The following NEK10 variants were observed in gnomAD, a reference collection of about 807,000 sequenced individuals.
NEK10 encodes NIMA related kinase 10.
Under a neutral mutation model 159.8 loss-of-function variants are expected in NEK10, and 122 were observed. The observed-to-expected ratio is 0.76, with a 90% CI of 0.66 to 0.89. The LOEUF is 0.89. NEK10 is among the 40% of genes least tolerant of loss of function. NEK10 has a pLI of 0.00. For missense variants in NEK10, 1,342 were observed against 1,323.1 expected, an observed-to-expected ratio of 1.01 and a Z score of -0.22; for synonymous variants, 466 against 457.1, an observed-to-expected ratio of 1.02 and a Z score of -0.25.
At chr3:27,185,456 T>C (rs568214577) in intron 26 of NEK10, among the ~76,000 whole-genome samples, 1 of 152,268 alleles carries the variant, frequency 6.6e-6, no homozygotes, top group African/African-American at 2.4e-5. Flanking sequence ...ACTGATTTAA[T>C]CAGGTGGCAG....
At chr3:27,295,432 C>T (rs963621399) in intron 15 of NEK10, among the ~76,000 whole-genome samples, 181 bp downstream of exon 15, 1 of 152,200 alleles carries the variant, frequency 6.6e-6, no homozygotes, top group Non-Finnish European at 1.5e-5. Flanking sequence ...ACTGTTAAGC[C>T]TTCTGTATTG....
At chr3:27,312,317 C>G (rs2044762195) in intron 7 of NEK10, 140 bp from the exon 8 acceptor site, 1 of 507,818 alleles carries the variant, frequency 2.0e-6, no homozygotes, top group African/African-American at 2.0e-5. Context: ...GCTCCTGGAA[C>G]AGTTATCGCT....
chr3:27,199,413 T>C (rs1232836934), intron 25 of NEK10, among the ~76,000 whole-genome samples: 2 of 152,174 alleles, frequency 1.3e-5, no homozygotes, highest in African/African-American at 4.8e-5. Context: ...TGAGATACCA[T>C]CTTATACCAG....
At chr3:27,164,273 G>A (rs1946281613) in intron 29 of NEK10, among the ~76,000 whole-genome samples, 1 of 152,202 alleles carries the variant, frequency 6.6e-6, no homozygotes, top group African/African-American at 2.4e-5. Flanking sequence ...GACAGCCCCA[G>A]GGCTGAGCTG....
intron 22 of NEK10, among the ~76,000 whole-genome samples, chr3:27,257,347 C>T (rs567602996): frequency 7.9e-5 from 12 of 152,266 alleles, no homozygotes; most frequent in African/African-American, 2.9e-4. Flanking sequence ...CAATGCAGAA[C>T]CAGTGCAAGA....
intron 22 of NEK10, chr3:27,278,969 A>G: frequency 1.0e-6 from 1 of 971,672 alleles, no homozygotes; most frequent in Non-Finnish European, 1.2e-6. Context: ...AATGGAGAAC[A>G]AGACCTGAAC....
intron 18 of NEK10, 95 bp downstream of exon 18, chr3:27,291,167 A>G (rs1315589239): frequency 6.0e-6 from 7 of 1,173,092 alleles, no homozygotes; most frequent in Non-Finnish European, 8.5e-6. Context: ...CTATTTTTCA[A>G]TGACAAGAGT....
chr3:27,343,020 G>T (rs1332311285), intron 5 of NEK10, among the ~76,000 whole-genome samples: 1 of 152,112 alleles, frequency 6.6e-6, no homozygotes, highest in Non-Finnish European at 1.5e-5. Context: ...CCTTGGTAAA[G>T]ATTTTAGGCT....
Position 27,304,886 on chromosome 3 carries a change from G to C in NEK10, c.889C>G (p.Leu297Val), listed in dbSNP as rs1461990417. ...AAGTGGTCAGAGTGGAGCAGACTGA[G>C]GAGGACCGGTATCCCCTCATAGAGC... The part of the protein sequence containing the change: ...VKLYEGIPVL[L>V]SLLHSDHLKL... The change falls in exon 12 of 36, where the codon CTC becomes GTC. Residue 297 changes from leucine to valine, a missense_variant. Leu to Val is a conservative substitution (Grantham distance 32). Coordinates refer to ENST00000691995, the MANE Select transcript of NEK10 (RefSeq NM_001394966.1). 1.2e-6 allele frequency: 2 copies of C among 1,613,494 alleles called. No homozygotes were observed. The highest frequency in any genetic ancestry group is 1.7e-6 in the Non-Finnish European group (2 of 1,179,574).
intron 26 of NEK10, among the ~76,000 whole-genome samples, chr3:27,190,399 T>C (rs753067117): frequency 5.3e-5 from 8 of 152,212 alleles, no homozygotes; most frequent in Non-Finnish European, 8.8e-5. Context: ...ATAGAGATGA[T>C]ACAGGATTAG....
chr3:27,242,180 C>T lies in NEK10; in HGVS notation c.2090+14116G>A, dbSNP rs959479499. ...GCATTGATACTTTTTTGAGTATTCC[C>T]AATGTATAAGCCATTTAAACCATGT... On this transcript the variant is annotated intron_variant, in intron 23 of 35. Transcript: ENST00000691995. 4.6e-5 allele frequency among the ~76,000 whole-genome samples: 7 copies of T among 152,130 alleles called. No individual in the cohort carries two copies. In the East Asian group the frequency reaches 7.7e-4, roughly 17 times the overall value.
In NEK10 at chr3:27,362,623, T is replaced by C. The variant is rs188564322; in HGVS notation, c.-38+6602A>G. Among the ~76,000 whole-genome samples the C allele has an allele frequency of 1.7e-3, 254 of 150,976 alleles. 2 individuals are homozygous for C. In the East Asian group the frequency reaches 0.041, roughly 24 times the overall value. On this transcript the variant is annotated intron_variant, in intron 1 of 35. Transcript: ENST00000691995. Reference sequence around the variant, plus strand: ...TGCCATTACTTTCAATGGCAAAAACTGCAATTACTTTTGCGCCAACCTAAC... The same window carrying C: ...TGCCATTACTTTCAATGGCAAAAACCGCAATTACTTTTGCGCCAACCTAAC...
At chr3:27,318,596 C>T (rs1328478494) in intron 6 of NEK10, among the ~76,000 whole-genome samples, 1 of 152,206 alleles carries the variant, frequency 6.6e-6, no homozygotes, top group Non-Finnish European at 1.5e-5. Context: ...TGTTGTGTAG[C>T]TTAGGGAAAA....
At chr3:27,126,446 G>A (rs1330685897) in intron 32 of NEK10, among the ~76,000 whole-genome samples, 1 of 152,062 alleles carries the variant, frequency 6.6e-6, no homozygotes, top group African/African-American at 2.4e-5. Context: ...TAAATATTTG[G>A]CCTATTAGAT....
intron 1 of NEK10, among the ~76,000 whole-genome samples, chr3:27,354,483 T>G (rs2048191828): frequency 1.3e-5 from 2 of 152,280 alleles, no homozygotes; most frequent in African/African-American, 2.4e-5. Context: ...AACAGATAAT[T>G]GTCTTTAGGA....
rs1264432717 is a variant in NEK10, at chr3:27,110,495, T to C, written c.*777A>G. ...TCTTCAAAGTGCTCTAAAAATACTA[T>C]AAGTTTGATTAGCAGCAAAGCATTA... On this transcript the variant is annotated 3_prime_UTR_variant, in exon 36 of 36. Transcript: ENST00000691995. The C allele has an allele frequency of 1.3e-5, 2 of 152,222 alleles. No homozygotes were observed. Among genetic ancestry groups the C allele is most frequent in the Non-Finnish European group, 2.9e-5 (2 of 68,038 alleles). The allele number at this position is 152,222 out of a possible 1,614,324, so 9.4% of individuals were successfully genotyped here.
intron 30 of NEK10, among the ~76,000 whole-genome samples, chr3:27,160,799 G>A (rs762957559): frequency 8.5e-5 from 13 of 152,158 alleles, no homozygotes; most frequent in Admixed American, 1.3e-4. Context: ...CCAGCTACTC[G>A]GTAGGCTGAG....
At chr3:27,201,113 T>C (rs914250587) in intron 25 of NEK10, among the ~76,000 whole-genome samples, 1 of 152,240 alleles carries the variant, frequency 6.6e-6, no homozygotes, top group Non-Finnish European at 1.5e-5. Flanking sequence ...AAAAAGTACC[T>C]GCAACTTTAT....
intron 30 of NEK10, among the ~76,000 whole-genome samples, chr3:27,151,822 A>G (rs1248342261): frequency 6.6e-6 from 1 of 152,214 alleles, no homozygotes; most frequent in African/African-American, 2.4e-5. Flanking sequence ...ACAATAAAAA[A>G]TTCAGGTAAC....
Sources: allele counts gnomAD v4.1 joint callset (sites outside exome capture counted in the v4.1 genomes callset), GRCh38; gene constraint gnomAD v4.1.1; transcripts MANE v1.5; gene names NCBI Gene and HGNC (gene_info 2026-07-23, HGNC 2026-07-21).